Variants in ATRNL1 observed in about 807,000 individuals in gnomAD.
The protein encoded by ATRNL1 is attractin like 1.
Under a neutral mutation model 182.7 loss-of-function variants are expected in ATRNL1, and 95 were observed. The ratio of observed to expected loss-of-function variants is 0.52; its 90% confidence interval spans 0.44 to 0.62. The LOEUF (loss-of-function observed/expected upper bound fraction) is 0.62. Among genes scored for constraint, ATRNL1 ranks in the 20% least tolerant of loss-of-function variants. ATRNL1 has a pLI of 0.00. For missense variants in ATRNL1, 1,471 were observed against 1,679.5 expected (o/e 0.88, Z 2.17); for synonymous variants, 576 against 568.3 (o/e 1.01, Z -0.19).
chr10:115,759,585 G>C (rs79247307), intron 27 of ATRNL1, among the ~76,000 whole-genome samples: 1 of 93,622 alleles, frequency 1.1e-5, no homozygotes, highest in African/African-American at 3.6e-5. Flanking sequence ...TTTTAATTAG[G>C]TTTTGACTAA....
At position 115,223,236 on chromosome 10, in the gene ATRNL1, G is replaced by T. The variant is rs116232153; in HGVS notation, c.1532+7356G>T. 1.0e-3 allele frequency among the ~76,000 whole-genome samples: 157 copies of T among 152,158 alleles called. 3 individuals are homozygous for T. Among genetic ancestry groups the T allele is most frequent in the Admixed American group, 2.6e-4 (4 of 15,274 alleles). ...GCAGAGGTTGCAATGAGCTGAGATCGCATCGCTGGACTCCAGCCTGGACGA... is the reference window on the plus strand; with the variant it reads ...GCAGAGGTTGCAATGAGCTGAGATCTCATCGCTGGACTCCAGCCTGGACGA... On this transcript the variant is annotated intron_variant, in intron 9 of 28. Coordinates refer to ENST00000355044, the MANE Select transcript of ATRNL1 (RefSeq NM_207303.4).
chr10:115,429,939 C>T (rs533631104), intron 21 of ATRNL1, among the ~76,000 whole-genome samples: 36 of 152,136 alleles, frequency 2.4e-4, no homozygotes, highest in African/African-American at 5.8e-4. Context: ...GGCGTGGTGG[C>T]GGGCGCCTGT....
chr10:115,409,421 A>G (rs73365471), intron 20 of ATRNL1, among the ~76,000 whole-genome samples: 6,492 of 152,192 alleles, frequency 0.043, 438 homozygotes, highest in African/African-American at 0.15. Context: ...TGTAACCTAC[A>G]AGTTTAGTGA....
intron 9 of ATRNL1, among the ~76,000 whole-genome samples, chr10:115,233,323 T>C (rs1850038780): frequency 1.3e-5 from 2 of 152,164 alleles, no homozygotes; most frequent in South Asian, 2.1e-4. Flanking sequence ...ACAATATCTT[T>C]TAATTTCTTT....
chr10:115,319,321 T>C (rs1220787130), intron 18 of ATRNL1, among the ~76,000 whole-genome samples: 3 of 152,244 alleles, frequency 2.0e-5, no homozygotes, highest in Admixed American at 2.0e-4. Flanking sequence ...GTGGTCAATT[T>C]TAGAATAAGT....
intron 24 of ATRNL1, among the ~76,000 whole-genome samples, chr10:115,513,045 T>C (rs1335917866): frequency 6.6e-6 from 1 of 151,948 alleles, no homozygotes; most frequent in Non-Finnish European, 1.5e-5. Flanking sequence ...TTTTGCGATT[T>C]GTTTTTTTGT....
intron 26 of ATRNL1, among the ~76,000 whole-genome samples, chr10:115,566,106 T>A (rs938297373): frequency 3.9e-5 from 6 of 152,222 alleles, no homozygotes; most frequent in East Asian, 1.9e-4. Context: ...CATTCTTTTT[T>A]TTATTATTAT....
chr10:115,815,929 G>A (rs936864951), intron 27 of ATRNL1, among the ~76,000 whole-genome samples: 1 of 152,072 alleles, frequency 6.6e-6, no homozygotes, highest in Admixed American at 6.6e-5. Context: ...AGGAAACCAG[G>A]CTGATTTCAT....
At chr10:115,711,894 C>T (rs1475483114) in intron 26 of ATRNL1, among the ~76,000 whole-genome samples, 1 of 152,084 alleles carries the variant, frequency 6.6e-6, no homozygotes, top group African/African-American at 2.4e-5. Context: ...AATAAAATCT[C>T]CTCACTTTAT....
At chr10:115,892,808 C>T (rs536952966) in intron 28 of ATRNL1, among the ~76,000 whole-genome samples, 14 of 152,064 alleles carry the variant, frequency 9.2e-5, no homozygotes, top group Non-Finnish European at 1.8e-4. Flanking sequence ...TGCTTATGCG[C>T]CTGTGTTTGT....
chr10:115,156,160 A>C (rs555137276), intron 5 of ATRNL1, among the ~76,000 whole-genome samples: 7 of 152,130 alleles, frequency 4.6e-5, no homozygotes, highest in South Asian at 2.1e-4. Context: ...AGGTACATCT[A>C]CTTACCAACA....
At chr10:115,784,192 C>G (rs6585362) in intron 27 of ATRNL1, among the ~76,000 whole-genome samples, 1 of 152,146 alleles carries the variant, frequency 6.6e-6, no homozygotes. Context: ...CAATGAGACT[C>G]TGTAATCGCT....
At chr10:115,401,041 G>A (rs564377305) in intron 20 of ATRNL1, among the ~76,000 whole-genome samples, 1 of 151,734 alleles carries the variant, frequency 6.6e-6, no homozygotes, top group Non-Finnish European at 1.5e-5. Context: ...TATTTTGGTT[G>A]GAAAAAGATA....
At chr10:115,426,755 G>GT (rs1845919117) in intron 21 of ATRNL1, among the ~76,000 whole-genome samples, 1 of 152,100 alleles carries the variant, frequency 6.6e-6, no homozygotes, top group Non-Finnish European at 1.5e-5. Flanking sequence ...ATGGAGTCTT[G>GT]CTCTTGTCGC....
chr10:115,572,285 G>A (rs1411802400), intron 26 of ATRNL1, among the ~76,000 whole-genome samples: 1 of 152,162 alleles, frequency 6.6e-6, no homozygotes, highest in Non-Finnish European at 1.5e-5. Flanking sequence ...AAGAGGTAGG[G>A]AGAACAATTT....
intron 25 of ATRNL1, among the ~76,000 whole-genome samples, chr10:115,531,594 T>C (rs61881004): frequency 6.6e-6 from 1 of 150,506 alleles, no homozygotes; most frequent in Admixed American, 6.6e-5. Context: ...TTCACTCTGA[T>C]GGTAGTTTCT....
chr10:115,098,610 C>G (rs931618778), intron 1 of ATRNL1, among the ~76,000 whole-genome samples: 1 of 151,648 alleles, frequency 6.6e-6, no homozygotes, highest in East Asian at 1.9e-4. Context: ...TACAGGCGCC[C>G]GCCACTACGC....
Position 115,543,234 on chromosome 10 carries a change from T to C in ATRNL1, c.3717-6224T>C, listed in dbSNP as rs556024364. On this transcript the variant is annotated intron_variant, in intron 25 of 28. Transcript: ENST00000355044. ...GTTTGACCAATTTATTCTATGCGTGTATTATTTACCACATTCAGCCACTGG... is the reference window on the plus strand; with the variant it reads ...GTTTGACCAATTTATTCTATGCGTGCATTATTTACCACATTCAGCCACTGG... Among the ~76,000 whole-genome samples, 5 of 152,348 alleles carry C rather than the reference T, an allele frequency of 3.3e-5. No homozygotes were observed. In the South Asian group the frequency reaches 1.0e-3, roughly 32 times the overall value.
chr10:115,360,348 AT>A (rs1554943854), intron 19 of ATRNL1, among the ~76,000 whole-genome samples: 2 of 151,770 alleles, frequency 1.3e-5, no homozygotes, highest in Non-Finnish European at 3.0e-5. Flanking sequence ...ACATAAGTCC[AT>A]GTGAAAGAGC....
Sources: gnomAD v4.1 joint callset for allele counts (sites outside exome capture counted in the v4.1 genomes callset) on GRCh38, gnomAD v4.1.1 for gene constraint, MANE v1.5 for transcripts, NCBI Gene and HGNC (gene_info 2026-07-23, HGNC 2026-07-21) for gene names.